PTPRD: variants seen among roughly 807,000 people sequenced by gnomAD.
PTPRD encodes the protein receptor-type tyrosine-protein phosphatase delta.
Under a neutral mutation model 214.5 loss-of-function variants are expected in PTPRD, and 34 were observed. That is an observed-to-expected ratio of 0.16 (90% CI 0.12 to 0.21). The LOEUF (loss-of-function observed/expected upper bound fraction) is 0.21. PTPRD is among the 10% of genes least tolerant of loss of function. The pLI, the probability that PTPRD is intolerant of heterozygous loss-of-function variation, is 1.00. For missense variants in PTPRD, 2,545 were observed against 2,398.7 expected (o/e 1.06, Z -1.27); for synonymous variants, 1,128 against 845.7 (o/e 1.33, Z -5.79).
At chr9:9,918,378 A>G (rs1414496650) in intron 5 of PTPRD, among the ~76,000 whole-genome samples, 1 of 149,724 alleles carries the variant, frequency 6.7e-6, no homozygotes, top group African/African-American at 2.4e-5. Context: ...AAACTCCACA[A>G]TGAAAACTAC....
intron 12 of PTPRD, among the ~76,000 whole-genome samples, chr9:8,702,525 T>G (rs554740657): frequency 2.0e-5 from 3 of 152,182 alleles, no homozygotes; most frequent in African/African-American, 7.2e-5. Flanking sequence ...ACAAGGACAG[T>G]TGGGAGTTTT....
chr9:9,929,280 C>A (rs1345566674), intron 5 of PTPRD, among the ~76,000 whole-genome samples: 1 of 152,120 alleles, frequency 6.6e-6, no homozygotes, highest in South Asian at 2.1e-4. Flanking sequence ...CCCTTTGGAC[C>A]AGTAAAGTTA....
intron 3 of PTPRD, among the ~76,000 whole-genome samples, chr9:10,300,758 G>A (rs552524544): frequency 1.6e-4 from 24 of 152,228 alleles, no homozygotes; most frequent in African/African-American, 5.5e-4. Context: ...AAAGGCAGCA[G>A]CCCAGGTGAG....
chr9:10,111,471 C>A (rs916198023), intron 3 of PTPRD, among the ~76,000 whole-genome samples: 1 of 151,070 alleles, frequency 6.6e-6, no homozygotes, highest in African/African-American at 2.4e-5. Context: ...ATCTCCTGAC[C>A]TCGTGATCCG....
intron 9 of PTPRD, among the ~76,000 whole-genome samples, chr9:9,223,834 A>T (rs1048464926): frequency 7.2e-5 from 11 of 152,010 alleles, no homozygotes; most frequent in African/African-American, 2.7e-4. Flanking sequence ...TCGGCTGAGT[A>T]CATTACATAT....
chr9:9,605,706 A>T (rs1395167876), intron 7 of PTPRD, among the ~76,000 whole-genome samples: 3 of 152,086 alleles, frequency 2.0e-5, no homozygotes, highest in Non-Finnish European at 4.4e-5. Context: ...AGTGAGGCCA[A>T]TAATACAAGG....
At chr9:10,075,678 T>C (rs79570401) in intron 3 of PTPRD, among the ~76,000 whole-genome samples, 3,738 of 151,500 alleles carry the variant, frequency 0.025, 106 homozygotes, top group African/African-American at 0.068. Context: ...TCTCATTTTC[T>C]GGGGGGGAGG....
At chr9:10,003,488 T>C (rs967908765) in intron 4 of PTPRD, among the ~76,000 whole-genome samples, 23 of 151,850 alleles carry the variant, frequency 1.5e-4, no homozygotes, top group African/African-American at 5.1e-4. Flanking sequence ...CAATTGTGTG[T>C]TCTGAATTAG....
At chr9:10,187,630 T>A (rs942690333) in intron 3 of PTPRD, among the ~76,000 whole-genome samples, 1 of 152,216 alleles carries the variant, frequency 6.6e-6, no homozygotes, top group Admixed American at 6.5e-5. Context: ...CGCTCTCCAA[T>A]ACTGAAACTT....
chr9:10,518,706 G>A (rs1441356256), intron 2 of PTPRD, among the ~76,000 whole-genome samples: 1 of 151,626 alleles, frequency 6.6e-6, no homozygotes, highest in Non-Finnish European at 1.5e-5. Flanking sequence ...CTAATTTTTT[G>A]TATTTTTAGT....
intron 13 of PTPRD, among the ~76,000 whole-genome samples, chr9:8,636,046 T>A (rs2096421899): frequency 6.6e-6 from 1 of 152,202 alleles, no homozygotes; most frequent in South Asian, 2.1e-4. Flanking sequence ...TGTGTTTCTT[T>A]CAGAATAGTA....
At chr9:9,746,579 T>C (rs2098460315) in intron 6 of PTPRD, among the ~76,000 whole-genome samples, 1 of 152,232 alleles carries the variant, frequency 6.6e-6, no homozygotes, top group African/African-American at 2.4e-5. Context: ...CGATATTCAC[T>C]AAATTGGCAT....
chr9:9,638,877 A>C (rs1303797644), intron 7 of PTPRD, among the ~76,000 whole-genome samples: 1 of 152,126 alleles, frequency 6.6e-6, no homozygotes, highest in Non-Finnish European at 1.5e-5. Context: ...TGCATCCTCC[A>C]AAGGGGAGTA....
At chr9:8,649,916 TTTTAA>T (rs1464780824) in intron 12 of PTPRD, among the ~76,000 whole-genome samples, 1 of 152,078 alleles carries the variant, frequency 6.6e-6, no homozygotes, top group African/African-American at 2.4e-5. Flanking sequence ...TTTTTTAATG[TTTTAA>T]TTTGTTTTTT....
At chr9:10,510,885 A>T (rs1429266910) in intron 2 of PTPRD, among the ~76,000 whole-genome samples, 1 of 152,070 alleles carries the variant, frequency 6.6e-6, no homozygotes, top group Non-Finnish European at 1.5e-5. Flanking sequence ...TCTGGTAATC[A>T]CCATTCTATT....
At chr9:10,603,864 T>G (rs1219815358) in intron 2 of PTPRD, among the ~76,000 whole-genome samples, 3 of 151,870 alleles carry the variant, frequency 2.0e-5, no homozygotes, top group African/African-American at 7.2e-5. Context: ...CATACTTCTT[T>G]TAATCCCACT....
intron 4 of PTPRD, among the ~76,000 whole-genome samples, chr9:9,988,407 A>T (rs1463496968): frequency 6.6e-6 from 1 of 152,192 alleles, no homozygotes; most frequent in Non-Finnish European, 1.5e-5. Flanking sequence ...GATCAGTTCA[A>T]GAGTTCCTTG....
At chr9:9,951,047 G>A (rs547383212) in intron 4 of PTPRD, among the ~76,000 whole-genome samples, 1 of 152,260 alleles carries the variant, frequency 6.6e-6, no homozygotes, top group South Asian at 2.1e-4. Context: ...CTGAGGTGAT[G>A]ATAATCCATG....
chr9:10,419,064 T>C (rs960510796), intron 2 of PTPRD, among the ~76,000 whole-genome samples: 1 of 151,874 alleles, frequency 6.6e-6, no homozygotes, highest in Non-Finnish European at 1.5e-5. Context: ...AGGGCTGAAG[T>C]ACTCTTAGCC....
Sources: gnomAD v4.1 joint callset for allele counts (sites outside exome capture counted in the v4.1 genomes callset) on GRCh38, gnomAD v4.1.1 for gene constraint, MANE v1.5 for transcripts, NCBI Gene and HGNC (gene_info 2026-07-23, HGNC 2026-07-21) for gene names.